Variants in FRAS1 observed in about 807,000 individuals in gnomAD.
FRAS1 encodes the protein extracellular matrix organizing protein FRAS1.
Under a neutral mutation model 435.2 loss-of-function variants are expected in FRAS1, and 290 were observed. The ratio of observed to expected loss-of-function variants is 0.67; its 90% CI spans 0.61 to 0.73. The LOEUF (loss-of-function observed/expected upper bound fraction) is 0.73, where lower values mean the gene tolerates loss of function less well. Among genes scored for constraint, FRAS1 ranks in the 30% least tolerant of loss-of-function variants. FRAS1 has a pLI of 0.00. For missense variants in FRAS1, 4,860 were observed against 5,001.5 expected, an observed-to-expected ratio of 0.97 and a Z score of 0.85; for synonymous variants, 1,800 against 1,851.0, an observed-to-expected ratio of 0.97 and a Z score of 0.71.
rs1309450738 is a variant in FRAS1, at chr4:78,438,640, G to T, written c.5288G>T (p.Arg1763Ile). ...NYLPSYGTLL[R>I]ISGSEVEELS... ...CTGCCCTCATATGGTACTCTCTTAA[G>T]AATCTCAGGATCTGAGGTGGAAGAG... The change falls in exon 39 of 74, where the codon AGA becomes ATA. Residue 1763 changes from arginine to isoleucine, a missense_variant. By Grantham distance (97) the Arg-to-Ile change is moderately conservative (BLOSUM62 -3). Coordinates refer to ENST00000512123, the MANE Select transcript of FRAS1 (RefSeq NM_025074.7). 6.2e-6 allele frequency: 10 copies of T among 1,613,496 alleles called. No homozygotes were observed. Among genetic ancestry groups the T allele is most frequent in the Non-Finnish European group, 8.5e-6 (10 of 1,179,528 alleles).
At chr4:78,205,727 G>A (rs1157315887) in intron 2 of FRAS1, among the ~76,000 whole-genome samples, 6 of 152,218 alleles carry the variant, frequency 3.9e-5, no homozygotes, top group Non-Finnish European at 8.8e-5. Context: ...GGCTCTGGGA[G>A]CAGCAGCAGG....
chr4:78,430,553 T>C (rs943151758), intron 37 of FRAS1, 136 bp downstream of exon 37: 7 of 911,042 alleles, frequency 7.7e-6, no homozygotes, highest in Middle Eastern at 6.8e-4. Flanking sequence ...GTGTGTAGTT[T>C]CATTGGCTTT....
At chr4:78,406,774 T>TG (rs1733113076) in intron 30 of FRAS1, among the ~76,000 whole-genome samples, 1 of 152,178 alleles carries the variant, frequency 6.6e-6, no homozygotes, top group South Asian at 2.1e-4. Flanking sequence ...CTGGAAACAA[T>TG]GGAGCTGGGT....
chr4:78,218,136 G>T (rs1321340129), intron 2 of FRAS1, among the ~76,000 whole-genome samples: 5 of 61,890 alleles, frequency 8.1e-5, no homozygotes, highest in Non-Finnish European at 1.4e-4. Flanking sequence ...ACACACACAA[G>T]TTGTATTTAT....
chr4:78,105,994 C>T (rs1578126682), intron 2 of FRAS1, among the ~76,000 whole-genome samples: 1 of 134,134 alleles, frequency 7.5e-6, no homozygotes, highest in East Asian at 2.0e-4. Flanking sequence ...GACGGATGCA[C>T]CTGGAAAATC....
intron 20 of FRAS1, among the ~76,000 whole-genome samples, chr4:78,340,449 T>C (rs1730351569): frequency 6.6e-6 from 1 of 152,258 alleles, no homozygotes; most frequent in African/African-American, 2.4e-5. Context: ...GTATGACTTA[T>C]CTAACACCTC....
At chr4:78,403,769 A>G (rs185893044) in intron 30 of FRAS1, among the ~76,000 whole-genome samples, 75 of 152,318 alleles carry the variant, frequency 4.9e-4, no homozygotes, top group African/African-American at 1.6e-3. Flanking sequence ...TTGAAAATAC[A>G]CTTAAAACAC....
chr4:78,146,299 T>A (rs1167900039), intron 2 of FRAS1, among the ~76,000 whole-genome samples: 1 of 152,324 alleles, frequency 6.6e-6, no homozygotes, highest in East Asian at 1.9e-4. Context: ...TTCTTCCACA[T>A]TGCAAAATAA....
intron 2 of FRAS1, among the ~76,000 whole-genome samples, chr4:78,222,720 A>G (rs1366307503): frequency 6.6e-6 from 1 of 152,082 alleles, no homozygotes; most frequent in Non-Finnish European, 1.5e-5. Context: ...TGGGTCTCCT[A>G]ATTTGCTTTT....
intron 12 of FRAS1, 129 bp from the exon 13 acceptor site, chr4:78,284,276 A>T (rs1727473234): frequency 1.1e-5 from 5 of 456,516 alleles, no homozygotes; most frequent in Non-Finnish European, 1.8e-5. Context: ...CTTTTTCCTA[A>T]GTCCCACAGT....
chr4:78,139,183 C>T (rs903012238), intron 2 of FRAS1, among the ~76,000 whole-genome samples: 32 of 152,134 alleles, frequency 2.1e-4, no homozygotes, highest in African/African-American at 7.7e-4. Context: ...GGTAGTACAG[C>T]GCCAGCCTTG....
chr4:78,135,893 C>T (rs917897950), intron 2 of FRAS1, among the ~76,000 whole-genome samples: 3 of 152,136 alleles, frequency 2.0e-5, no homozygotes, highest in Admixed American at 6.5e-5. Context: ...TAACAAATAC[C>T]GAACTGTTGC....
At chr4:78,318,732 G>A in intron 17 of FRAS1, 78 bp from the exon 18 acceptor site, 2 of 1,392,790 alleles carry the variant, frequency 1.4e-6, no homozygotes, top group African/African-American at 2.9e-5. Context: ...ACTTTTCTAA[G>A]TGGGTTTGAT....
Position 78,508,924 on chromosome 4 carries a change from C to T in FRAS1, c.9698C>T (p.Ala3233Val), listed in dbSNP as rs1228818178. The change falls in exon 63 of 74, where the codon GCT (alanine) becomes GTT (valine). Residue 3233 changes from alanine (A) to valine (V), a missense_variant. Transcript: ENST00000512123. ...TCTGTGCAGTTCAGCTGGGAAGTGG[C>T]TGCCCCCACTGATGGCAATGGGGCC... is the stretch of plus-strand genomic sequence containing the variant. ...QTSVQFSWEV[A>V]APTDGNGARS... The T allele has an allele frequency of 6.2e-7, 1 of 1,613,824 alleles. No individual in the cohort carries two copies. Among genetic ancestry groups the T allele is most frequent in the Non-Finnish European group, 8.5e-7 (1 of 1,179,870 alleles).
chr4:78,259,756 A>G (rs77191423), intron 6 of FRAS1, among the ~76,000 whole-genome samples: 133,781 of 141,530 alleles, frequency 0.95, 63,710 homozygotes, highest in Non-Finnish European at 1. Context: ...CGTTGCTTTT[A>G]GTGTTTTAGA....
chr4:78,171,848 A>G (rs1271490051), intron 2 of FRAS1, among the ~76,000 whole-genome samples: 2 of 151,996 alleles, frequency 1.3e-5, no homozygotes, highest in African/African-American at 2.4e-5. Flanking sequence ...ATCCACTTCA[A>G]TACAGGCTCG....
chr4:78,096,316 G>A (rs1324687837), intron 2 of FRAS1, among the ~76,000 whole-genome samples: 2 of 152,202 alleles, frequency 1.3e-5, no homozygotes, highest in Non-Finnish European at 2.9e-5. Context: ...GGCATTGAGT[G>A]TCTGCAGCTT....
At chr4:78,410,439 C>CA (rs1174385283) in intron 31 of FRAS1, among the ~76,000 whole-genome samples, 1 of 136,870 alleles carries the variant, frequency 7.3e-6, no homozygotes, top group Admixed American at 7.5e-5. Context: ...AATAAAATAA[C>CA]AAAAAATAAT....
chr4:78,214,545 A>T (rs1300378977), intron 2 of FRAS1, among the ~76,000 whole-genome samples: 3 of 152,176 alleles, frequency 2.0e-5, no homozygotes, highest in Non-Finnish European at 4.4e-5. Flanking sequence ...CCTTCATTGT[A>T]TCTGAACATC....
Sources: gnomAD v4.1 joint callset for allele counts (sites outside exome capture counted in the v4.1 genomes callset) on GRCh38, gnomAD v4.1.1 for gene constraint, MANE v1.5 for transcripts, NCBI Gene and HGNC (gene_info 2026-07-23, HGNC 2026-07-21) for gene names.